The following CFDP1 variants were observed in gnomAD, a reference collection of about 807,000 sequenced individuals.
CFDP1 encodes the protein heterochromatin-stabilizing protein CFDP1.
A neutral mutation model predicts 40.1 loss-of-function variants in CFDP1; 31 were observed. The ratio of observed to expected loss-of-function variants is 0.77; its 90% CI spans 0.58 to 1.04. The LOEUF (loss-of-function observed/expected upper bound fraction) is 1.04. CFDP1 is among the 50% of genes least tolerant of loss of function. The pLI is 0.00. For missense variants in CFDP1, 423 were observed against 343.4 expected (o/e 1.23, Z -1.83); for synonymous variants, 167 against 120.0 (o/e 1.39, Z -2.56).
At chr16:75,308,877 GA>G (rs1396952351) in intron 5 of CFDP1, among the ~76,000 whole-genome samples, 1 of 151,982 alleles carries the variant, frequency 6.6e-6, no homozygotes, top group African/African-American at 2.4e-5. Context: ...TCCAGAAAAG[GA>G]AAAAAACCAT....
intron 5 of CFDP1, among the ~76,000 whole-genome samples, chr16:75,323,650 G>A (rs560917160): frequency 6.5e-4 from 99 of 151,982 alleles, no homozygotes; most frequent in African/African-American, 2.1e-3. Context: ...CTGGTGGAGC[G>A]TGCCTGTAAT....
intron 5 of CFDP1, among the ~76,000 whole-genome samples, chr16:75,341,208 A>C (rs189751663): frequency 1.1e-4 from 16 of 152,188 alleles, no homozygotes; most frequent in Non-Finnish European, 4.4e-5. Flanking sequence ...TTTTTATGTA[A>C]ATGTTAATGG....
chr16:75,408,706 C>T (rs1405559177), intron 4 of CFDP1, among the ~76,000 whole-genome samples: 1 of 151,398 alleles, frequency 6.6e-6, no homozygotes, highest in Non-Finnish European at 1.5e-5. Flanking sequence ...AACCAGAAGG[C>T]GGAGGTTGCA....
chr16:75,341,660 G>GAA lies in CFDP1; in HGVS notation c.651-36480_651-36479dup, dbSNP rs368140322. 6.4e-3 allele frequency among the ~76,000 whole-genome samples: 894 copies of GAA among 138,782 alleles called. 10 individuals carry two copies. Among genetic ancestry groups the GAA allele is most frequent in the African/African-American group, 0.021 (806 of 38,064 alleles). 91.0% of individuals were successfully genotyped at this position (138,782 alleles called of 152,430 possible). A position where few individuals can be genotyped will look rare whatever the true frequency, so the allele number is the denominator to read the frequency against. ...GAAGGTTTCAGCAGAGTGTAGAAAG[G>GAA]AAAAAAAAAAAAGGCCTGACCCTGC... On this transcript the variant is annotated intron_variant, in intron 5 of 6. Transcript: ENST00000283882.
At chr16:75,327,373 T>A (rs572264941) in intron 5 of CFDP1, among the ~76,000 whole-genome samples, 1 of 152,096 alleles carries the variant, frequency 6.6e-6, no homozygotes, top group East Asian at 1.9e-4. Flanking sequence ...GAACAAGAGC[T>A]GCACAGAAAG....
chr16:75,302,579 C>G (rs1021836818), intron 6 of CFDP1, among the ~76,000 whole-genome samples: 3 of 152,218 alleles, frequency 2.0e-5, no homozygotes, highest in African/African-American at 7.2e-5. Flanking sequence ...CCTCTATTAA[C>G]TCAAGCAGAG....
At chr16:75,297,157 T>TGTGTGTGTGTGG (rs2078188781) in intron 6 of CFDP1, among the ~76,000 whole-genome samples, 1 of 133,368 alleles carries the variant, frequency 7.5e-6, no homozygotes, top group Non-Finnish European at 1.7e-5. Context: ...TGTGTGTGTG[T>TGTGTGTGTGTGG]GTGTGTGTCT....
At chr16:75,406,051 G>A (rs912624036) in intron 4 of CFDP1, among the ~76,000 whole-genome samples, 2 of 151,626 alleles carry the variant, frequency 1.3e-5, no homozygotes, top group African/African-American at 4.8e-5. Flanking sequence ...GGACCACCTT[G>A]GGCAACACAG....
At chr16:75,362,704 G>C (rs201001251) in intron 5 of CFDP1, among the ~76,000 whole-genome samples, 5 of 152,148 alleles carry the variant, frequency 3.3e-5, no homozygotes, top group Admixed American at 3.3e-4. Context: ...TTTCCTAAGA[G>C]GGAAAAGAAT....
chr16:75,332,884 T>C (rs1384442506), intron 5 of CFDP1, among the ~76,000 whole-genome samples: 4 of 148,970 alleles, frequency 2.7e-5, no homozygotes, highest in Non-Finnish European at 5.9e-5. Context: ...CCCAGCTCAC[T>C]GCAACCTCCG....
At chr16:75,355,113 T>TA (rs1318254905) in intron 5 of CFDP1, among the ~76,000 whole-genome samples, 1 of 152,212 alleles carries the variant, frequency 6.6e-6, no homozygotes, top group South Asian at 2.1e-4. Flanking sequence ...AAAATATTGC[T>TA]AAAAATGCTG....
chr16:75,301,998 T>G (rs574180548), intron 6 of CFDP1: 1 of 152,324 alleles, frequency 6.6e-6, no homozygotes, highest in South Asian at 2.1e-4. Flanking sequence ...ACAGAGCCAG[T>G]AGATCTGCAC....
chr16:75,324,727 A>G (rs1389120752), intron 5 of CFDP1: 1 of 134,220 alleles, frequency 7.5e-6, no homozygotes, highest in African/African-American at 2.8e-5. Context: ...TGGGCTACAG[A>G]GTGAGACTTT....
intron 5 of CFDP1, chr16:75,305,410 C>A: frequency 2.0e-6 from 1 of 502,840 alleles, no homozygotes; most frequent in Non-Finnish European, 3.6e-6. Flanking sequence ...GAGCTACGAA[C>A]AGGAAATCCT....
At chr16:75,298,892 C>G (rs2078202722) in intron 6 of CFDP1, among the ~76,000 whole-genome samples, 2 of 152,216 alleles carry the variant, frequency 1.3e-5, no homozygotes, top group Non-Finnish European at 2.9e-5. Context: ...TTCAGTCCCT[C>G]CTTCATGCCG....
chr16:75,308,528 A>G (rs1295292379), intron 5 of CFDP1, among the ~76,000 whole-genome samples: 1 of 152,208 alleles, frequency 6.6e-6, no homozygotes, highest in African/African-American at 2.4e-5. Flanking sequence ...CTACCCATTG[A>G]TAGAGTTCTG....
chr16:75,414,650 T>C lies in CFDP1; in HGVS notation c.110A>G (p.Asp37Gly), dbSNP rs758852963. The change falls in exon 2 of 7, where the codon GAT becomes GGT. Residue 37 changes from aspartate (D) to glycine (G), a missense_variant. Transcript: ENST00000283882. ...TGTCTGCTCTTCACCATCCACTTCA[T>C]CTTCCTTCACTAATTCATTTACATC... is the stretch of plus-strand genomic sequence containing the variant. Reference protein sequence around the residue: ...EDDVNELVKEDEVDGEEQTQK... With the variant: ...EDDVNELVKEGEVDGEEQTQK... The C allele has an allele frequency of 1.2e-6, 2 of 1,613,860 alleles. No homozygotes were observed. Among genetic ancestry groups the C allele is most frequent in the Non-Finnish European group, 8.5e-7 (1 of 1,179,796 alleles).
At chr16:75,373,373 G>C (rs893957997) in intron 5 of CFDP1, among the ~76,000 whole-genome samples, 5 of 152,106 alleles carry the variant, frequency 3.3e-5, no homozygotes, top group African/African-American at 9.7e-5. Flanking sequence ...CTTATACCAA[G>C]TTTTATAAAT....
chr16:75,334,383 G>C (rs912699934), intron 5 of CFDP1, among the ~76,000 whole-genome samples: 2 of 151,186 alleles, frequency 1.3e-5, no homozygotes, highest in Admixed American at 6.6e-5. Context: ...CCCACCTGTC[G>C]AGACAATCCG....
Sources: allele counts gnomAD v4.1 joint callset (sites outside exome capture counted in the v4.1 genomes callset), GRCh38; gene constraint gnomAD v4.1.1; transcripts MANE v1.5; gene names NCBI Gene and HGNC (gene_info 2026-07-23, HGNC 2026-07-21).